The following MEX3D variants were observed in gnomAD, a reference collection of about 807,000 sequenced individuals.
MEX3D encodes the protein RNA-binding protein MEX3D.
A neutral mutation model predicts 6.3 loss-of-function variants in MEX3D; 4 were observed. The ratio of observed to expected loss-of-function variants is 0.64; its 90% CI spans 0.31 to 1.46. The LOEUF (loss-of-function observed/expected upper bound fraction) is 1.46. Among genes scored for constraint, MEX3D ranks in the 40% most tolerant of loss-of-function variants. The probability of loss-of-function intolerance (pLI) is 0.07; values close to 1 mark genes in which losing one functional copy is unlikely to be tolerated. For missense variants in MEX3D, 1,038 were observed against 994.4 expected (o/e 1.04, Z -0.59); for synonymous variants, 626 against 494.1 (o/e 1.27, Z -3.54).
chr19:1,561,507 A>G (rs1914717321), intron 1 of MEX3D, among the ~76,000 whole-genome samples: 1 of 152,154 alleles, frequency 6.6e-6, no homozygotes, highest in Admixed American at 6.5e-5. Context: ...GGGAGGAGGG[A>G]AGCTGGTTCA....
intron 1 of MEX3D, among the ~76,000 whole-genome samples, chr19:1,561,161 G>C (rs1914707848): frequency 6.6e-6 from 1 of 152,158 alleles, no homozygotes; most frequent in Admixed American, 6.5e-5. Context: ...ACACACACCA[G>C]CGGGCATCAC....
chr19:1,555,861 G>A lies in MEX3D; in HGVS notation c.1658C>T (p.Pro553Leu), dbSNP rs1484276917. ...GGCCGTGGAGAAGGCGGCGCCGCCTGGGAAGGATACGGGGCCCTGCGGGGG... is the reference window on the plus strand; with the variant it reads ...GGCCGTGGAGAAGGCGGCGCCGCCTAGGAAGGATACGGGGCCCTGCGGGGG... ...WRPPQGPVSF[P>L]GGAAFSTATS... Residue 553 changes from proline to leucine, a missense_variant, in exon 2 of 2, where the codon CCA becomes CTA. By Grantham distance (98) the Pro-to-Leu change is moderately conservative (BLOSUM62 -3). This residue lies in a region of MEX3D where 581 missense variants were observed against 516.2 expected (regional missense o/e 1.13). Coordinates refer to ENST00000402693, the MANE Select transcript of MEX3D (RefSeq NM_203304.4). The A allele has an allele frequency of 3.2e-5, 43 of 1,330,334 alleles. No homozygotes were observed. The highest frequency in any genetic ancestry group is 3.7e-5 in the Non-Finnish European group (39 of 1,045,730). 82.4% of individuals were successfully genotyped at this position (1,330,334 alleles called of 1,614,324 possible). A position where few individuals can be genotyped will look rare whatever the true frequency, so the allele number is the denominator to read the frequency against.
At chr19:1,565,045 C>T (rs920031368) in intron 1 of MEX3D, among the ~76,000 whole-genome samples, 1 of 152,128 alleles carries the variant, frequency 6.6e-6, no homozygotes, top group African/African-American at 2.4e-5. Flanking sequence ...TGGCAACGCG[C>T]ACTCCACTTA....
chr19:1,555,229 C>CT lies in MEX3D; in HGVS notation c.*333dup. On this transcript the variant is annotated 3_prime_UTR_variant, in exon 2 of 2. Transcript: ENST00000402693. ...TGGAAAAGTCGTGTTTTTTGTTTTGCTTTTTTAAAGATCACCCTGGAGGGG... is the reference window on the plus strand; with the variant it reads ...TGGAAAAGTCGTGTTTTTTGTTTTGCTTTTTTTAAAGATCACCCTGGAGGGG... 2 of 1,229,404 alleles carry CT rather than the reference C, an allele frequency of 1.6e-6. No homozygotes were observed. The highest frequency in any genetic ancestry group is 2.2e-6 in the Non-Finnish European group (2 of 923,408). The allele number at this position is 1,229,404 out of a possible 1,614,324, so 76.2% of individuals were successfully genotyped here.
chr19:1,556,200 C>G lies in MEX3D; in HGVS notation c.1319G>C (p.Gly440Ala). 1 of 1,442,794 alleles carries G rather than the reference C, an allele frequency of 6.9e-7. No individual in the cohort carries two copies. Among genetic ancestry groups the G allele is most frequent in the Non-Finnish European group, 9.1e-7 (1 of 1,098,028 alleles). 89.4% of individuals were successfully genotyped at this position (1,442,794 alleles called of 1,614,324 possible). Residue 440 changes from glycine (G) to alanine (A), a missense_variant, in exon 2 of 2, where the codon GGT becomes GCT. By Grantham distance (60) the Gly-to-Ala change is moderately conservative (BLOSUM62 0). Transcript: ENST00000402693. This position sits in a 1 kb window ranked among gnomAD's most constrained non-coding sequence, Gnocchi z 7.5. Reference sequence around the variant, plus strand: ...GGGGGCGGCCGTCCCCACCGGGGCACCGGGACCCTCCGCGCCGAAGGCGAA... The same window carrying G: ...GGGGGCGGCCGTCCCCACCGGGGCAGCGGGACCCTCCGCGCCGAAGGCGAA... ...GGFAFGAEGP[G>A]APVGTAAPDD...
chr19:1,557,486 A>G (rs1914603580), intron 1 of MEX3D, among the ~76,000 whole-genome samples: 1 of 150,760 alleles, frequency 6.6e-6, no homozygotes, highest in South Asian at 2.1e-4. Flanking sequence ...GAATCACTTG[A>G]ACCCAGGAGA....
chr19:1,566,432 T>C (rs1914841728), intron 1 of MEX3D, among the ~76,000 whole-genome samples: 1 of 152,056 alleles, frequency 6.6e-6, no homozygotes, highest in African/African-American at 2.4e-5. Context: ...CCCCCACACC[T>C]TTCTCTGGCC....
In MEX3D at chr19:1,555,941, C is replaced by G; in HGVS notation, c.1578G>C (p.Glu526Asp). ...GGGCGCCACGGCGAGACAGCGGGAG[C>G]TCCAGGCGGAGGCCGCCGGGCTCGG... is the stretch of plus-strand genomic sequence containing the variant. ...TLPEPGGLRL[E>D]LPLSRRGAPD... The change falls in exon 2 of 2, where the codon GAG becomes GAC. Residue 526 changes from glutamate (E) to aspartate (D), a missense_variant. Glu to Asp is a conservative substitution (Grantham distance 45). Around this residue, in one of 5 missense-constraint regions of MEX3D, gnomAD observed 581 missense variants for 516.2 expected, o/e 1.13. Coordinates refer to ENST00000402693, the MANE Select transcript of MEX3D (RefSeq NM_203304.4). 8.5e-7 allele frequency: 1 copy of G among 1,181,342 alleles called. No individual in the cohort carries two copies. Among genetic ancestry groups the G allele is most frequent in the Admixed American group, 4.7e-5 (1 of 21,206 alleles). 73.2% of individuals were successfully genotyped at this position (1,181,342 alleles called of 1,614,324 possible).
Position 1,556,428 on chromosome 19 carries a change from T to C in MEX3D, c.1091A>G (p.Asp364Gly). 1 of 1,593,898 alleles carries C rather than the reference T, an allele frequency of 6.3e-7. No individual in the cohort carries two copies. Among genetic ancestry groups the C allele is most frequent in the African/African-American group, 1.3e-5 (1 of 74,580 alleles). Residue 364 changes from aspartate to glycine, a missense_variant, in exon 2 of 2, where the codon GAC becomes GGC. By Grantham distance (94) the Asp-to-Gly change is moderately conservative. Transcript: ENST00000402693. The surrounding 1 kb of genome is among the most constrained non-coding windows in gnomAD (Gnocchi z 7.5). ...GAGGCTGGCGGCCGCCCCGAGCAGGTCCAGGCAGACGTCGGTGCCGTTGGC... is the reference window on the plus strand; with the variant it reads ...GAGGCTGGCGGCCGCCCCGAGCAGGCCCAGGCAGACGTCGGTGCCGTTGGC... ...FHANGTDVCL[D>G]LLGAAASLWA...
chr19:1,556,488 G>C lies in MEX3D; in HGVS notation c.1031C>G (p.Ala344Gly). The C allele has an allele frequency of 6.2e-7, 1 of 1,603,612 alleles. No individual in the cohort carries two copies. Among genetic ancestry groups the C allele is most frequent in the Non-Finnish European group, 8.5e-7 (1 of 1,177,902 alleles). Residue 344 changes from alanine (A) to glycine (G), a missense_variant, in exon 2 of 2, where the codon GCC becomes GGC. Coordinates refer to ENST00000402693, the MANE Select transcript of MEX3D (RefSeq NM_203304.4). This position sits in a 1 kb window ranked among gnomAD's most constrained non-coding sequence, Gnocchi z 7.5. ...GCTGTCGGGGCCCGCGTCGGTGAAG[G>C]CGCCAGTGCGCAGCGTGATGTGCGC... The part of the protein sequence containing the change: ...IEAHITLRTG[A>G]FTDAGPDSDF...
In MEX3D at chr19:1,555,702, C is replaced by T; in HGVS notation, c.1817G>A (p.Gly606Asp). 1.9e-6 allele frequency: 3 copies of T among 1,555,630 alleles called. No homozygotes were observed. Among genetic ancestry groups the T allele is most frequent in the Non-Finnish European group, 2.6e-6 (3 of 1,155,820 alleles). Reference sequence around the variant, plus strand: ...GGGGACCAGCGCAGCCATCACCTCGCCCTCGGCGCACACCACGCACTCTCG... The same window carrying T: ...GGGGACCAGCGCAGCCATCACCTCGTCCTCGGCGCACACCACGCACTCTCG... ...LARECVVCAE[G>D]EVMAALVPCG... is the part of the protein sequence containing the mutation. Residue 606 changes from glycine (G) to aspartate (D), a missense_variant, in exon 2 of 2, where the codon GGC becomes GAC. Physicochemically the swap from Gly to Asp is moderately conservative, Grantham distance 94. Coordinates refer to ENST00000402693, the MANE Select transcript of MEX3D (RefSeq NM_203304.4).
At chr19:1,564,067 C>CT (rs1914782349) in intron 1 of MEX3D, among the ~76,000 whole-genome samples, 1 of 151,910 alleles carries the variant, frequency 6.6e-6, no homozygotes, top group Non-Finnish European at 1.5e-5. Context: ...CTCAGCCTCT[C>CT]TGAGTGCTGC....
rs915583305 is a variant in MEX3D at position 1,555,280 on chromosome 19, A to T, written c.*283T>A. Reference sequence around the variant, plus strand: ...AGGGGTGTCTAAAAATAAGAAAACTAAAAAAAGTGCAAGCGGACCTTTTCT... The same window carrying T: ...AGGGGTGTCTAAAAATAAGAAAACTTAAAAAAGTGCAAGCGGACCTTTTCT... On this transcript the variant is annotated 3_prime_UTR_variant, in exon 2 of 2. Transcript: ENST00000402693. The T allele has an allele frequency of 1.8e-5, 28 of 1,530,420 alleles. No homozygotes were observed. The African/African-American group carries it at 3.6e-4, about 20-fold the overall frequency. The allele number at this position is 1,530,420 out of a possible 1,614,324, so 94.8% of individuals were successfully genotyped here. A position where few individuals can be genotyped will look rare whatever the true frequency, so the allele number is the denominator to read the frequency against.
Position 1,555,624 on chromosome 19 carries a change from C to T in MEX3D, c.1895G>A (p.Ser632Asn), listed in dbSNP as rs769108168. Residue 632 changes from serine (S) to asparagine (N), a missense_variant, in exon 2 of 2, where the codon AGC becomes AAC. Ser to Asn is a conservative substitution (Grantham distance 46). Transcript: ENST00000402693. ...GCGGCAGGCGGGACACTCGGGCTCG[C>T]TCTTGCCGCAGATGCGGACGGCGCA... is the stretch of plus-strand genomic sequence containing the variant. ...MDCAVRICGK[S>N]EPECPACRTP... 2 of 1,591,588 alleles carry T rather than the reference C, an allele frequency of 1.3e-6. No homozygotes were observed. Among genetic ancestry groups the T allele is most frequent in the Non-Finnish European group, 1.7e-6 (2 of 1,171,374 alleles).
At position 1,556,893 on chromosome 19, in the gene MEX3D, G is replaced by C; in HGVS notation, c.626C>G (p.Thr209Arg). The C allele has an allele frequency of 6.2e-7, 1 of 1,610,512 alleles. No homozygotes were observed. The highest frequency in any genetic ancestry group is 8.5e-7 in the Non-Finnish European group (1 of 1,179,282). ...CACTGGGGTCTTGATGTAGGTGTTTGTCTTGGCCCGCAGGGCCTTGATCTT... is the reference window on the plus strand; with the variant it reads ...CACTGGGGTCTTGATGTAGGTGTTTCTCTTGGCCCGCAGGGCCTTGATCTT... ...GCKIKALRAK[T>R]NTYIKTPVRG... Residue 209 changes from threonine to arginine, a missense_variant, in exon 2 of 2, where the codon ACA becomes AGA. Transcript: ENST00000402693. The surrounding 1 kb of genome is among the most constrained non-coding windows in gnomAD (Gnocchi z 7.5).
chr19:1,565,541 C>CATAA (rs888466639), intron 1 of MEX3D, among the ~76,000 whole-genome samples: 3 of 152,164 alleles, frequency 2.0e-5, no homozygotes, highest in Non-Finnish European at 2.9e-5. Context: ...AACTCCGTCT[C>CATAA]ATAAATAAAT....
Position 1,556,420 on chromosome 19 carries a change from C to G in MEX3D, c.1099G>C (p.Gly367Arg), listed in dbSNP as rs1163526597. 1 of 1,586,562 alleles carries G rather than the reference C, an allele frequency of 6.3e-7. No individual in the cohort carries two copies. The highest frequency in any genetic ancestry group is 8.5e-7 in the Non-Finnish European group (1 of 1,172,718). ...NGTDVCLDLL[G>R]AAASLWAKTP... The stretch of plus-strand genomic sequence containing the variant: ...TTGGCCCAGAGGCTGGCGGCCGCCC[C>G]GAGCAGGTCCAGGCAGACGTCGGTG... The change falls in exon 2 of 2, where the codon GGG becomes CGG. Residue 367 changes from glycine (G) to arginine (R), a missense_variant. Gly to Arg is a moderately radical substitution (Grantham distance 125). Transcript: ENST00000402693. The surrounding 1 kb of genome is among the most constrained non-coding windows in gnomAD (Gnocchi z 7.5).
At chr19:1,557,908 C>T (rs1914617122) in intron 1 of MEX3D, among the ~76,000 whole-genome samples, 1 of 104,668 alleles carries the variant, frequency 9.6e-6, no homozygotes, top group Non-Finnish European at 1.8e-5. Flanking sequence ...CCGCAATTAG[C>T]AAGGTGTGGT....
At chr19:1,563,029 GA>G (rs913387614) in intron 1 of MEX3D, among the ~76,000 whole-genome samples, 1 of 152,016 alleles carries the variant, frequency 6.6e-6, no homozygotes, top group Non-Finnish European at 1.5e-5. Context: ...AAAATGAAAA[GA>G]AAAAAACCTC....
Sources: gnomAD v4.1 joint callset for allele counts (sites outside exome capture counted in the v4.1 genomes callset) on GRCh38, gnomAD v4.1.1 for gene constraint, gnomAD v4.1.1 regional missense constraint, Gnocchi (gnomAD v3.1) non-coding constraint, MANE v1.5 for transcripts, NCBI Gene and HGNC (gene_info 2026-07-23, HGNC 2026-07-21) for gene names.